CCDC157: variants seen among roughly 807,000 people sequenced by gnomAD.
CCDC157 encodes coiled-coil domain-containing protein 157.
CCDC157 carries 60 observed loss-of-function variants against 70.9 expected under a neutral mutation model. That is an observed-to-expected ratio of 0.85 (90% CI 0.69 to 1.05). The LOEUF (loss-of-function observed/expected upper bound fraction) is 1.05. CCDC157 is among the 50% of genes least tolerant of loss of function. CCDC157 has a pLI of 0.00. For synonymous variants in CCDC157, 373 were observed against 422.4 expected, an observed-to-expected ratio of 0.88 and a Z score of 1.43; for missense variants, 943 against 984.2, an observed-to-expected ratio of 0.96 and a Z score of 0.56.
chr22:30,370,058 C>T lies in CCDC157; in HGVS notation c.421-268C>T, dbSNP rs141892986. On this transcript the variant is annotated intron_variant, in intron 4 of 11. Transcript: ENST00000338306. ...CAGTAACCAGCAGCTGTGACCGTCA[C>T]CATCACCTTCCCAACACCATGCATA... 595 of 554,376 alleles carry T rather than the reference C, an allele frequency of 1.1e-3. 3 individuals carry two copies. Among genetic ancestry groups the T allele is most frequent in the African/African-American group, 9.5e-3 (508 of 53,302 alleles). The allele number at this position is 554,376 out of a possible 1,614,324, so 34.3% of individuals were successfully genotyped here. A position where few individuals can be genotyped will look rare whatever the true frequency, so the allele number is the denominator to read the frequency against.
chr22:30,374,302 C>T (rs2145952788), intron 9 of CCDC157: 2 of 656,770 alleles, frequency 3.0e-6, no homozygotes, highest in East Asian at 5.5e-5. Flanking sequence ...CGTGAAAGCC[C>T]AACAGTGATG....
chr22:30,373,489 G>C, intron 7 of CCDC157, 108 bp from the exon 8 acceptor site: 2 of 1,176,108 alleles, frequency 1.7e-6, no homozygotes, highest in South Asian at 1.4e-5. Flanking sequence ...ACACACCCCA[G>C]GGGGGTAGCA....
rs1932388587 is a variant in CCDC157, at chr22:30,362,096, G to C, written c.-30G>C. ...CACACTCAGTCACTCCAGCTCCACGGGCAGACACCTGCACAGAGGTAAGGG... is the reference window on the plus strand; with the variant it reads ...CACACTCAGTCACTCCAGCTCCACGCGCAGACACCTGCACAGAGGTAAGGG... On this transcript the variant is annotated 5_prime_UTR_variant, in exon 2 of 12. Transcript: ENST00000338306. 6.6e-6 allele frequency: 1 copy of C among 152,374 alleles called. No individual in the cohort carries two copies. Among genetic ancestry groups the C allele is most frequent in the African/African-American group, 2.4e-5 (1 of 41,464 alleles). 9.4% of individuals were successfully genotyped at this position (152,374 alleles called of 1,614,324 possible).
intron 1 of CCDC157, among the ~76,000 whole-genome samples, chr22:30,360,029 T>C (rs1414941405): frequency 6.6e-6 from 1 of 152,108 alleles, no homozygotes. Context: ...CCTGTAGTCC[T>C]ACCTACTCAG....
In CCDC157 at chr22:30,373,966, A is replaced by T; in HGVS notation, c.1547A>T (p.Gln516Leu). The change falls in exon 9 of 12, where the codon CAG becomes CTG. Residue 516 changes from glutamine to leucine, a missense_variant. Transcript: ENST00000338306. ...SLQREKQGLE[Q>L]ATTDLRLTIL... Reference sequence around the variant, plus strand: ...CAGAGGGAGAAGCAAGGCCTGGAGCAGGCGACTACGGACCTGCGGCTAACC... The same window carrying T: ...CAGAGGGAGAAGCAAGGCCTGGAGCTGGCGACTACGGACCTGCGGCTAACC... 6.2e-7 allele frequency: 1 copy of T among 1,613,000 alleles called. No individual in the cohort carries two copies. The highest frequency in any genetic ancestry group is 1.1e-5 in the South Asian group (1 of 90,744).
chr22:30,364,784 C>T (rs1932607491), intron 2 of CCDC157, among the ~76,000 whole-genome samples: 1 of 149,020 alleles, frequency 6.7e-6, no homozygotes. Flanking sequence ...CACTGTACTC[C>T]AGCCTGAGCA....
Position 30,377,830 on chromosome 22 carries a change from T to G in CCDC157, c.*1085T>G. On this transcript the variant is annotated 3_prime_UTR_variant, in exon 12 of 12. Transcript: ENST00000338306. ...GGGAAGGACCTCACAGCTGAGTAGC[T>G]CTCTCAGGCGCCCACCAACTCCGTG... 1 of 311,944 alleles carries G rather than the reference T, an allele frequency of 3.2e-6. No homozygotes were observed. The highest frequency in any genetic ancestry group is 6.4e-6 in the Non-Finnish European group (1 of 155,308). The allele number at this position is 311,944 out of a possible 1,614,324, so 19.3% of individuals were successfully genotyped here.
chr22:30,366,584 C>T, intron 3 of CCDC157: 1 of 367,992 alleles, frequency 2.7e-6, no homozygotes, highest in Non-Finnish European at 5.4e-6. Context: ...ATGTTGGGGA[C>T]CCCATAGTTG....
In CCDC157 at chr22:30,378,484, C is replaced by T. The variant is rs190350996; in HGVS notation, c.*1739C>T. ...TCTCTACTAAAAATACAAAATTAGC[C>T]GGGCGTGGTGGCGCATGTCTGTAAT... On this transcript the variant is annotated 3_prime_UTR_variant, in exon 12 of 12. Transcript: ENST00000338306. The T allele has an allele frequency of 5.0e-3, 850 of 168,440 alleles. 9 individuals carry two copies. The highest frequency in any genetic ancestry group is 0.019 in the African/African-American group (785 of 42,170). 10.4% of individuals were successfully genotyped at this position (168,440 alleles called of 1,614,324 possible).
At chr22:30,371,131 CTG>C (rs1279882047) in intron 5 of CCDC157, 181 bp downstream of exon 5, 9 of 743,410 alleles carry the variant, frequency 1.2e-5, no homozygotes, top group South Asian at 3.7e-5. Flanking sequence ...GGTGGTGACA[CTG>C]TGATCTCAGT....
intron 10 of CCDC157, chr22:30,376,003 T>C: frequency 1.8e-6 from 1 of 545,266 alleles, no homozygotes; most frequent in Admixed American, 3.5e-5. Flanking sequence ...GCCTGGACAA[T>C]ATAATGGGAC....
Position 30,378,261 on chromosome 22 carries a change from A to G in CCDC157, c.*1516A>G, listed in dbSNP as rs1345698248. 1 of 439,782 alleles carries G rather than the reference A, an allele frequency of 2.3e-6. No individual in the cohort carries two copies. Among genetic ancestry groups the G allele is most frequent in the African/African-American group, 2.0e-5 (1 of 49,316 alleles). 27.2% of individuals were successfully genotyped at this position (439,782 alleles called of 1,614,324 possible). Reference sequence around the variant, plus strand: ...TTGAATAGGCTCATGTGGTTAGGGCAAGGCTCACACTCAAATACTTTCCCT... The same window carrying G: ...TTGAATAGGCTCATGTGGTTAGGGCGAGGCTCACACTCAAATACTTTCCCT... On this transcript the variant is annotated 3_prime_UTR_variant, in exon 12 of 12. Coordinates refer to ENST00000338306, the MANE Select transcript of CCDC157 (RefSeq NM_001017437.5).
rs1228973142 is a variant in CCDC157, at chr22:30,373,980, C to T, written c.1561C>T (p.Leu521=). ...AGGCCTGGAGCAGGCGACTACGGAC[C>T]TGCGGCTAACCATCCTGGAGCTAGA... ...KQGLEQATTD[L]RLTILELERE... is the part of the protein sequence containing the mutation. Residue 521 remains leucine, a synonymous_variant, in exon 9 of 12, where the codon CTG becomes TTG. Transcript: ENST00000338306. 2.5e-6 allele frequency: 4 copies of T among 1,612,950 alleles called. No individual in the cohort carries two copies. Among genetic ancestry groups the T allele is most frequent in the Non-Finnish European group, 3.4e-6 (4 of 1,179,682 alleles).
chr22:30,356,842 C>A, upstream of CCDC157: 1 of 1,292,278 alleles, frequency 7.7e-7, no homozygotes, highest in Non-Finnish European at 9.9e-7. Context: ...GTGAGCGGTG[C>A]CGCCTCAAGA....
Position 30,370,729 on chromosome 22 carries a change from G to A in CCDC157, c.824G>A (p.Trp275Ter). The change falls in exon 5 of 12, where the codon TGG becomes TAG. Residue 275 changes from tryptophan to a stop codon, truncating the protein, a stop_gained. Transcript: ENST00000338306. LOFTEE classifies it high-confidence loss of function. ...CTGCCGGCTGCCACCGTGGGCCGCT[G>A]GGCAGCAGAGCAGAGGAAAGACCTG... Reference protein sequence around the residue: ...RPLPAATVGRWAAEQRKDLTR... With the variant: ...RPLPAATVGR 6.2e-7 allele frequency: 1 copy of A among 1,613,486 alleles called. No homozygotes were observed.
At chr22:30,358,049 G>A (rs8140116) in intron 1 of CCDC157, among the ~76,000 whole-genome samples, 6,219 of 152,154 alleles carry the variant, frequency 0.041, 428 homozygotes, top group African/African-American at 0.14. Context: ...CTCGAATCCC[G>A]CCGGCTTCTC....
In CCDC157 at chr22:30,370,772, T is replaced by A; in HGVS notation, c.867T>A (p.His289Gln). ...QRKDLTRLSK[H>Q]VEALRAQLEE... is the part of the protein sequence containing the mutation. ...AAGACCTGACGCGCCTCAGTAAGCA[T>A]GTGGAGGCCCTCAGGGCCCAGCTGG... Residue 289 changes from histidine (H) to glutamine (Q), a missense_variant, in exon 5 of 12, where the codon CAT becomes CAA. Transcript: ENST00000338306. The A allele has an allele frequency of 6.2e-7, 1 of 1,613,474 alleles. No homozygotes were observed. Among genetic ancestry groups the A allele is most frequent in the Middle Eastern group, 1.7e-4 (1 of 6,022 alleles).
rs1353391943 is a variant in CCDC157 at position 30,372,136 on chromosome 22, G to A, written c.1185G>A (p.Val395=). Residue 395 remains valine, a synonymous_variant, in exon 7 of 12, where the codon GTG becomes GTA. Transcript: ENST00000338306. ...GERRAAAERQ[V]QQLEEQVQQL... The stretch of plus-strand genomic sequence containing the variant: ...GCAGGGCGGCAGCGGAGAGGCAGGT[G>A]CAGCAGCTGGAGGAGCAGGTGCAGC... 1.3e-6 allele frequency: 2 copies of A among 1,554,428 alleles called. No individual in the cohort carries two copies. Among genetic ancestry groups the A allele is most frequent in the African/African-American group, 1.4e-5 (1 of 73,282 alleles).
intron 2 of CCDC157, among the ~76,000 whole-genome samples, chr22:30,364,387 T>C (rs1460048345): frequency 1.3e-5 from 2 of 152,154 alleles, no homozygotes; most frequent in Non-Finnish European, 2.9e-5. Context: ...TTTAAGGTGA[T>C]GGATATTCTA....
Sources: gnomAD v4.1 joint callset for allele counts (sites outside exome capture counted in the v4.1 genomes callset) on GRCh38, gnomAD v4.1.1 for gene constraint, MANE v1.5 for transcripts, NCBI Gene and HGNC (gene_info 2026-07-23, HGNC 2026-07-21) for gene names.